Variants in HMCN2 observed in about 807,000 individuals in gnomAD.
The protein encoded by HMCN2 is hemicentin-2.
A neutral mutation model predicts 377.5 loss-of-function variants in HMCN2; 325 were observed. The ratio of observed to expected loss-of-function variants is 0.86; its 90% CI spans 0.79 to 0.94. HMCN2 has a LOEUF of 0.94. HMCN2 is among the 40% of genes least tolerant of loss of function. The pLI is 0.00. For synonymous variants in HMCN2, 2,007 were observed against 2,046.8 expected (o/e 0.98, Z 0.53); for missense variants, 4,543 against 4,725.3 (o/e 0.96, Z 1.13).
intron 83 of HMCN2, among the ~76,000 whole-genome samples, chr9:130,407,948 C>T (rs747879713): frequency 9.2e-5 from 14 of 152,202 alleles, no homozygotes. Context: ...CAAGACGACC[C>T]TGGCTGCAGG....
intron 1 of HMCN2, among the ~76,000 whole-genome samples, chr9:130,274,053 A>ATT (rs55718524): frequency 4.7e-4 from 68 of 144,426 alleles, no homozygotes; most frequent in South Asian, 8.8e-4. Flanking sequence ...TGATACATTA[A>ATT]TTTTTTTTTT....
At chr9:130,281,308 G>A (rs781963323) in intron 1 of HMCN2, among the ~76,000 whole-genome samples, 2 of 152,038 alleles carry the variant, frequency 1.3e-5, no homozygotes, top group South Asian at 2.1e-4. Context: ...GGGCTTCCAC[G>A]TTCTCCTCTG....
At chr9:130,266,708 G>A (rs781795535) in intron 1 of HMCN2, among the ~76,000 whole-genome samples, 6 of 152,224 alleles carry the variant, frequency 3.9e-5, no homozygotes, top group Non-Finnish European at 8.8e-5. Flanking sequence ...AAAGGGCAGC[G>A]CCTCTCGTGT....
At chr9:130,387,042 A>G (rs1242576260) in intron 61 of HMCN2, among the ~76,000 whole-genome samples, 1 of 152,226 alleles carries the variant, frequency 6.6e-6, no homozygotes, top group Non-Finnish European at 1.5e-5. Flanking sequence ...GCATGTGGGC[A>G]CTAAGATGAA....
In HMCN2 at chr9:130,267,472, A is replaced by G. The variant is rs1421827684; in HGVS notation, c.259+1335A>G. Among the ~76,000 whole-genome samples the G allele has an allele frequency of 5.1e-3, 686 of 133,696 alleles. 3 individuals carry two copies. The highest frequency in any genetic ancestry group is 0.017 in the African/African-American group (609 of 36,844). 87.7% of individuals were successfully genotyped at this position (133,696 alleles called of 152,430 possible). The stretch of plus-strand genomic sequence containing the variant: ...CACACACACACACACACACACACAC[A>G]CACACGCACAGATTCCTTGCTAAAT... On this transcript the variant is annotated intron_variant, in intron 1 of 97. Coordinates refer to ENST00000683500, the MANE Select transcript of HMCN2 (RefSeq NM_001291815.2).
chr9:130,324,757 T>G lies in HMCN2; in HGVS notation c.2921-838T>G, dbSNP rs1015914618. ...CTCCTGCCTCAGCCTCCTGGGTAGC[T>G]GGGACTGCAGGCGCCCGCCACTGTA... On this transcript the variant is annotated intron_variant, in intron 19 of 97. Coordinates refer to ENST00000683500, the MANE Select transcript of HMCN2 (RefSeq NM_001291815.2). Among the ~76,000 whole-genome samples the G allele has an allele frequency of 3.9e-4, 59 of 152,048 alleles. 1 individual carries two copies. The highest frequency in any genetic ancestry group is 5.2e-4 in the Admixed American group (8 of 15,280).
intron 48 of HMCN2, among the ~76,000 whole-genome samples, 170 bp downstream of exon 48, chr9:130,373,294 T>C (rs1264216075): frequency 2.0e-5 from 3 of 152,090 alleles, no homozygotes; most frequent in Non-Finnish European, 2.9e-5. Context: ...CATGTGTTCT[T>C]CCATCCCAAA....
rs557293712 is a variant in HMCN2, at chr9:130,348,489, C to G, written c.4025-56C>G. On this transcript the variant is annotated intron_variant, in intron 26 of 97. Coordinates refer to ENST00000683500, the MANE Select transcript of HMCN2 (RefSeq NM_001291815.2). ...GGGAATGGCCCAGATGAGGTCCCTT[C>G]GGCTGTGGCTCTAAGGGGGCAGGGA... 1.1e-5 allele frequency: 14 copies of G among 1,289,244 alleles called. No homozygotes were observed. The African/African-American group carries it at 1.8e-4, about 17-fold the overall frequency. 79.9% of individuals were successfully genotyped at this position (1,289,244 alleles called of 1,614,324 possible).
In HMCN2 at chr9:130,399,581, G is replaced by A; in HGVS notation, c.11554G>A (p.Val3852Met). 7.8e-7 allele frequency: 1 copy of A among 1,289,582 alleles called. No homozygotes were observed. Among genetic ancestry groups the A allele is most frequent in the South Asian group, 1.2e-5 (1 of 80,960 alleles). 79.9% of individuals were successfully genotyped at this position (1,289,582 alleles called of 1,614,324 possible). A position where few individuals can be genotyped will look rare whatever the true frequency, so the allele number is the denominator to read the frequency against. The change falls in exon 76 of 98, where the codon GTG becomes ATG. Residue 3852 changes from valine to methionine, a missense_variant. Transcript: ENST00000683500. The stretch of plus-strand genomic sequence containing the variant: ...GGACTCAGCCCAGTTTGAATGCGTG[G>A]TGAGCAATGAGGTGGGCGAGGCCCA... ...PQDSAQFECV[V>M]SNEVGEAHRL...
At chr9:130,318,894 TCC>T (rs1320462877) in intron 15 of HMCN2, among the ~76,000 whole-genome samples, 80 of 152,090 alleles carry the variant, frequency 5.3e-4, no homozygotes, top group African/African-American at 1.8e-3. Context: ...AGACCTATAA[TCC>T]CCCCCGACGC....
chr9:130,410,662 G>T lies in HMCN2; in HGVS notation c.12961+10G>T, dbSNP rs751703521. The T allele has an allele frequency of 2.6e-6, 4 of 1,550,196 alleles. No homozygotes were observed. The highest frequency in any genetic ancestry group is 2.4e-5 in the East Asian group (1 of 40,920). ...ATCCTCGTCCTGCAGAGTGAGTCTC[G>T]GCCTCAGCAGAGTGGGGACGTGGGA... is the stretch of plus-strand genomic sequence containing the variant. On this transcript the variant is annotated intron_variant, in intron 85 of 97. Coordinates refer to ENST00000683500, the MANE Select transcript of HMCN2 (RefSeq NM_001291815.2).
chr9:130,328,324 C>T (rs917465325), intron 22 of HMCN2, among the ~76,000 whole-genome samples: 3 of 152,068 alleles, frequency 2.0e-5, no homozygotes, highest in Non-Finnish European at 2.9e-5. Flanking sequence ...GGGGGTGTGG[C>T]GGGGGGCCGT....
intron 52 of HMCN2, among the ~76,000 whole-genome samples, chr9:130,377,368 C>T (rs1841446139): frequency 6.6e-6 from 1 of 152,218 alleles, no homozygotes; most frequent in Non-Finnish European, 1.5e-5. Flanking sequence ...CAACCTTGGC[C>T]TCCCAAAGTT....
Position 130,356,235 on chromosome 9 carries a change from C to G in HMCN2, c.5403C>G (p.Ala1801=), listed in dbSNP as rs529702916. ...QATNEAGTAG[A]EVEVSVHEFP... ...CCAATGAGGCGGGCACTGCCGGGGC[C>G]GAGGTGGAGGTGTCTGTGCATGGTG... The change falls in exon 34 of 98, where the codon GCC becomes GCG. Residue 1801 remains alanine (A), a synonymous_variant. Coordinates refer to ENST00000683500, the MANE Select transcript of HMCN2 (RefSeq NM_001291815.2). 8 of 1,300,708 alleles carry G rather than the reference C, an allele frequency of 6.2e-6. No individual in the cohort carries two copies. In the East Asian group the frequency reaches 3.9e-4, roughly 63 times the overall value. 80.6% of individuals were successfully genotyped at this position (1,300,708 alleles called of 1,614,324 possible). A position where few individuals can be genotyped will look rare whatever the true frequency, so the allele number is the denominator to read the frequency against.
intron 31 of HMCN2, among the ~76,000 whole-genome samples, chr9:130,353,965 G>A: frequency 6.6e-6 from 1 of 152,124 alleles, no homozygotes; most frequent in East Asian, 1.9e-4. Context: ...CTTGGGTACT[G>A]GAACCTCAAA....
chr9:130,305,311 A>G (rs1356231587), intron 11 of HMCN2, among the ~76,000 whole-genome samples: 2 of 151,818 alleles, frequency 1.3e-5, no homozygotes, highest in Non-Finnish European at 2.9e-5. Context: ...CCCACTCCCC[A>G]CTGCACCCTG....
Position 130,294,981 on chromosome 9 carries a change from T to G in HMCN2, c.739T>G (p.Ser247Ala), listed in dbSNP as rs1836037453. The change falls in exon 5 of 98, where the codon TCA (serine) becomes GCA (alanine). Residue 247 changes from serine (S) to alanine (A), a missense_variant. Around this residue, in one of 5 missense-constraint regions of HMCN2, gnomAD observed 547 missense variants for 189.9 expected, o/e 2.88. Transcript: ENST00000683500. ...FDPSLKEVTI[S>A]LSGPGPEIEV... ...CCCCAGCCTGAAGGAGGTCACCATC[T>G]CATTGAGTGGGCCAGGGCCTGAGAT... 1 of 470,598 alleles carries G rather than the reference T, an allele frequency of 2.1e-6. No individual in the cohort carries two copies. Among genetic ancestry groups the G allele is most frequent in the African/African-American group, 2.0e-5 (1 of 49,986 alleles). The allele number at this position is 470,598 out of a possible 1,614,324, so 29.2% of individuals were successfully genotyped here. A position where few individuals can be genotyped will look rare whatever the true frequency, so the allele number is the denominator to read the frequency against.
intron 22 of HMCN2, among the ~76,000 whole-genome samples, chr9:130,335,407 G>A (rs940564791): frequency 0.011 from 1,623 of 152,234 alleles, 27 homozygotes; most frequent in African/African-American, 0.037. Flanking sequence ...CAGGGGAAAT[G>A]TTTACCCATT....
At chr9:130,334,722 T>TC (rs1167871701) in intron 22 of HMCN2, among the ~76,000 whole-genome samples, 1 of 138,440 alleles carries the variant, frequency 7.2e-6, no homozygotes, top group Non-Finnish European at 1.6e-5. Flanking sequence ...TCTCTCTCTC[T>TC]TCTCTCTTTC....
Sources: allele counts gnomAD v4.1 joint callset (sites outside exome capture counted in the v4.1 genomes callset), GRCh38; gene constraint gnomAD v4.1.1; regional missense constraint gnomAD v4.1.1; transcripts MANE v1.5; gene names NCBI Gene and HGNC (gene_info 2026-07-23, HGNC 2026-07-21).